RLF: variants seen among roughly 807,000 people sequenced by gnomAD.
RLF encodes the protein zinc finger protein Rlf.
RLF carries 7 observed loss-of-function variants against 162.9 expected under a neutral mutation model. That is an observed-to-expected ratio of 0.04 (90% CI 0.02 to 0.08). The LOEUF (loss-of-function observed/expected upper bound fraction) is 0.08. Among genes scored for constraint, RLF ranks in the 10% least tolerant of loss-of-function variants. RLF has a pLI of 1.00. For missense variants in RLF, 1,664 were observed against 2,244.7 expected, an observed-to-expected ratio of 0.74 and a Z score of 5.23; for synonymous variants, 782 against 791.5, an observed-to-expected ratio of 0.99 and a Z score of 0.20.
At chr1:40,209,893 A>G (rs1642845203) in intron 5 of RLF, among the ~76,000 whole-genome samples, 1 of 151,178 alleles carries the variant, frequency 6.6e-6, no homozygotes, top group Non-Finnish European at 1.5e-5. Flanking sequence ...AAAAAAAAAA[A>G]GGCGATCATA....
intron 7 of RLF, among the ~76,000 whole-genome samples, chr1:40,233,374 T>G (rs1025185981): frequency 1.3e-5 from 2 of 152,330 alleles, no homozygotes; most frequent in South Asian, 4.1e-4. Context: ...CCAGCCAGAT[T>G]AGGCTGTTTA....
chr1:40,198,301 CTTTT>C (rs34816285), intron 4 of RLF, among the ~76,000 whole-genome samples: 4 of 123,796 alleles, frequency 3.2e-5, no homozygotes, highest in Admixed American at 8.5e-5. Context: ...CGCCCGGCCT[CTTTT>C]TTTTTTTTTT....
intron 1 of RLF, among the ~76,000 whole-genome samples, chr1:40,163,655 A>T (rs1023945534): frequency 1.3e-5 from 2 of 152,236 alleles, no homozygotes; most frequent in African/African-American, 2.4e-5. Flanking sequence ...TAAATGAAAC[A>T]AGAACAAGTA....
chr1:40,205,191 T>G (rs71648505), intron 5 of RLF, among the ~76,000 whole-genome samples: 1 of 152,110 alleles, frequency 6.6e-6, no homozygotes, highest in Non-Finnish European at 1.5e-5. Context: ...TGGTGGCTCA[T>G]GCCTGTAATC....
chr1:40,208,181 G>T (rs1642821419), intron 5 of RLF, among the ~76,000 whole-genome samples: 1 of 152,182 alleles, frequency 6.6e-6, no homozygotes, highest in Non-Finnish European at 1.5e-5. Context: ...GATAGAGACA[G>T]AATGCTAGTC....
chr1:40,201,115 A>C (rs1205318717), intron 4 of RLF, among the ~76,000 whole-genome samples: 1 of 119,726 alleles, frequency 8.4e-6, no homozygotes, highest in Non-Finnish European at 1.7e-5. Context: ...AGAAAAGCAA[A>C]ATTTCAGGTC....
chr1:40,170,363 G>A (rs1642226165), intron 1 of RLF, among the ~76,000 whole-genome samples: 1 of 151,982 alleles, frequency 6.6e-6, no homozygotes, highest in Admixed American at 6.6e-5. Context: ...CCCAGGCTTA[G>A]GCAGTTGTCC....
In RLF at chr1:40,237,528, T is replaced by G; in HGVS notation, c.2826T>G (p.Cys942Trp). The G allele has an allele frequency of 6.2e-7, 1 of 1,614,158 alleles. No homozygotes were observed. Among genetic ancestry groups the G allele is most frequent in the Non-Finnish European group, 8.5e-7 (1 of 1,180,010 alleles). ...VFGPSSLKEKCSSMAVCFDGT... is the reference protein window; with the variant it reads ...VFGPSSLKEKWSSMAVCFDGT... ...GGCCCTCCAGTTTAAAAGAAAAATG[T>G]TCCAGTATGGCAGTTTGTTTTGACG... Residue 942 changes from cysteine (C) to tryptophan (W), a missense_variant, in exon 8 of 8, where the codon TGT becomes TGG. Transcript: ENST00000372771. The surrounding 1 kb of genome is among the most constrained non-coding windows in gnomAD (Gnocchi z 4.4).
intron 1 of RLF, among the ~76,000 whole-genome samples, chr1:40,180,433 A>AT (rs1423821192): frequency 6.6e-6 from 1 of 151,398 alleles, no homozygotes; most frequent in Non-Finnish European, 1.5e-5. Flanking sequence ...TAATTTTTGT[A>AT]TTTTTTTCAG....
chr1:40,238,986 G>C lies in RLF; in HGVS notation c.4284G>C (p.Leu1428Phe). The C allele has an allele frequency of 6.2e-7, 1 of 1,614,178 alleles. No individual in the cohort carries two copies. The highest frequency in any genetic ancestry group is 8.5e-7 in the Non-Finnish European group (1 of 1,180,018). Reference protein sequence around the residue: ...FYTFNKLKHHLMEQHNIEGEI... With the variant: ...FYTFNKLKHHFMEQHNIEGEI... Reference sequence around the variant, plus strand: ...CATTCAACAAGTTGAAGCACCACTTGATGGAACAGCATAATATTGAAGGGG... The same window carrying C: ...CATTCAACAAGTTGAAGCACCACTTCATGGAACAGCATAATATTGAAGGGG... Residue 1428 changes from leucine (L) to phenylalanine (F), a missense_variant, in exon 8 of 8, where the codon TTG (leucine) becomes TTC (phenylalanine). Around this residue, in one of 15 missense-constraint regions of RLF, gnomAD observed 200 missense variants for 207.3 expected, o/e 0.96. Transcript: ENST00000372771. The surrounding 1 kb of genome is among the most constrained non-coding windows in gnomAD (Gnocchi z 5.2).
chr1:40,194,912 C>T (rs376388541), intron 3 of RLF, among the ~76,000 whole-genome samples: 1 of 151,866 alleles, frequency 6.6e-6, no homozygotes, highest in Admixed American at 6.5e-5. Flanking sequence ...TGGCTCACTG[C>T]AACCTCTGCC....
intron 5 of RLF, among the ~76,000 whole-genome samples, chr1:40,217,276 G>A (rs1642936636): frequency 6.6e-6 from 1 of 151,982 alleles, no homozygotes. Flanking sequence ...GACCAACCTC[G>A]GCAACAATAT....
intron 3 of RLF, among the ~76,000 whole-genome samples, chr1:40,195,027 GTTTTGTCA>G (rs1463606536): frequency 2.0e-5 from 3 of 151,632 alleles, no homozygotes; most frequent in African/African-American, 7.3e-5. Context: ...TAGAGACAGA[GTTTTGTCA>G]TTTTGGCCAC....
rs1437419602 is a variant in RLF at position 40,237,963 on chromosome 1, G to A, written c.3261G>A (p.Gly1087=). The change falls in exon 8 of 8, where the codon GGG becomes GGA. Residue 1087 remains glycine, a synonymous_variant. Transcript: ENST00000372771. The surrounding 1 kb of genome is among the most constrained non-coding windows in gnomAD (Gnocchi z 4.4). ...GATCTTTCTCAGGGTCATTGCAGGGGTACCCATCCAGTGGTGCTAAGTCTC... is the reference window on the plus strand; with the variant it reads ...GATCTTTCTCAGGGTCATTGCAGGGATACCCATCCAGTGGTGCTAAGTCTC... The part of the protein sequence containing the change: ...THGSFSGSLQ[G]YPSSGAKSLQ... The A allele has an allele frequency of 6.2e-7, 1 of 1,614,054 alleles. No individual in the cohort carries two copies. Among genetic ancestry groups the A allele is most frequent in the Non-Finnish European group, 8.5e-7 (1 of 1,179,966 alleles).
intron 6 of RLF, among the ~76,000 whole-genome samples, chr1:40,228,483 T>C (rs1047018180): frequency 6.6e-6 from 1 of 151,080 alleles, no homozygotes; most frequent in Non-Finnish European, 1.5e-5. Flanking sequence ...CGAGGGAGGC[T>C]GAGGCAGGAG....
At chr1:40,197,304 A>G (rs537980204) in intron 4 of RLF, among the ~76,000 whole-genome samples, 7 of 152,380 alleles carry the variant, frequency 4.6e-5, no homozygotes, top group Admixed American at 1.3e-4. Flanking sequence ...GAGGTCCTCA[A>G]TAAACGGCAT....
chr1:40,185,082 G>T (rs902628295), intron 1 of RLF, among the ~76,000 whole-genome samples: 2 of 151,760 alleles, frequency 1.3e-5, no homozygotes, highest in Non-Finnish European at 2.9e-5. Context: ...CAAAAAAAAA[G>T]TTTTTTTTAA....
At chr1:40,204,044 T>G (rs1455376493) in intron 5 of RLF, among the ~76,000 whole-genome samples, 1 of 151,438 alleles carries the variant, frequency 6.6e-6, no homozygotes, top group Admixed American at 6.6e-5. Flanking sequence ...CTTTTTTTTT[T>G]TTTTTTTTGA....
At position 40,161,834 on chromosome 1, in the gene RLF, G is replaced by T. The variant is rs1260847240; in HGVS notation, c.237+198G>T. ...CACTGCCCGACTTTGGCCACCGCTG[G>T]GTCGTTTTGCTCTGAGCCTTACTGA... On this transcript the variant is annotated intron_variant, in intron 1 of 7. Transcript: ENST00000372771. This position sits in a 1 kb window ranked among gnomAD's most constrained non-coding sequence, Gnocchi z 4.4. Among the ~76,000 whole-genome samples, 2 of 152,174 alleles carry T rather than the reference G, an allele frequency of 1.3e-5. No individual in the cohort carries two copies. Among genetic ancestry groups the T allele is most frequent in the Admixed American group, 6.5e-5 (1 of 15,276 alleles).
Sources: gnomAD v4.1 joint callset for allele counts (sites outside exome capture counted in the v4.1 genomes callset) on GRCh38, gnomAD v4.1.1 for gene constraint, gnomAD v4.1.1 regional missense constraint, Gnocchi (gnomAD v3.1) non-coding constraint, MANE v1.5 for transcripts, NCBI Gene and HGNC (gene_info 2026-07-23, HGNC 2026-07-21) for gene names.